ANKRD28: variants seen among roughly 807,000 people sequenced by gnomAD.
ANKRD28 encodes the protein ankyrin repeat domain 28.
ANKRD28 carries 44 observed loss-of-function variants against 126.5 expected under a neutral mutation model. The ratio of observed to expected loss-of-function variants is 0.35; its 90% CI spans 0.27 to 0.45. The LOEUF is 0.45. ANKRD28 is among the 20% of genes least tolerant of loss of function. The pLI is 1.00. For synonymous variants in ANKRD28, 442 were observed against 468.5 expected (o/e 0.94, Z 0.73); for missense variants, 1,110 against 1,316.6 (o/e 0.84, Z 2.43).
chr3:15,720,777 C>T (rs917402055), intron 8 of ANKRD28, 138 bp downstream of exon 8: 11 of 806,788 alleles, frequency 1.4e-5, no homozygotes, highest in Non-Finnish European at 1.9e-5. Flanking sequence ...AAGGCTTTCA[C>T]TCAGCATAAT....
rs999146996 is a variant in ANKRD28 at position 15,711,360 on chromosome 3, T to G, written c.1274-86A>C. On this transcript the variant is annotated intron_variant, in intron 11 of 27. Coordinates refer to ENST00000683139, the MANE Select transcript of ANKRD28 (RefSeq NM_001349278.2). ...TCATGAAACATCAAGAATCACATCC[T>G]CCCCTCCAATCCCAAACAAAACTAT... The G allele has an allele frequency of 9.9e-6, 11 of 1,113,642 alleles. 1 individual carries two copies. The highest frequency in any genetic ancestry group is 7.8e-5 in the African/African-American group (5 of 63,826). 69.0% of individuals were successfully genotyped at this position (1,113,642 alleles called of 1,614,324 possible). A position where few individuals can be genotyped will look rare whatever the true frequency, so the allele number is the denominator to read the frequency against.
chr3:15,779,641 T>C (rs980842021), intron 2 of ANKRD28, among the ~76,000 whole-genome samples: 23 of 152,332 alleles, frequency 1.5e-4, no homozygotes, highest in Middle Eastern at 6.8e-3. Context: ...GTAACGGAGT[T>C]GATTTAACTA....
At chr3:15,768,948 A>G (rs2058873898) in intron 2 of ANKRD28, among the ~76,000 whole-genome samples, 1 of 152,222 alleles carries the variant, frequency 6.6e-6, no homozygotes, top group East Asian at 1.9e-4. Flanking sequence ...GAGCTAACAC[A>G]GAACCACTAA....
At chr3:15,762,252 A>C (rs772144473) in intron 3 of ANKRD28, among the ~76,000 whole-genome samples, 10 of 147,656 alleles carry the variant, frequency 6.8e-5, no homozygotes, top group Non-Finnish European at 1.2e-4. Context: ...TTCCTTCCTC[A>C]TTTATGTGAA....
chr3:15,750,201 T>C (rs1306790831), intron 4 of ANKRD28, among the ~76,000 whole-genome samples: 1 of 152,222 alleles, frequency 6.6e-6, no homozygotes, highest in Non-Finnish European at 1.5e-5. Context: ...TAAAAATCCA[T>C]TATTTTAATA....
At chr3:15,783,085 G>A (rs1559523910) in intron 2 of ANKRD28, among the ~76,000 whole-genome samples, 1 of 151,668 alleles carries the variant, frequency 6.6e-6, no homozygotes, top group Admixed American at 6.6e-5. Context: ...ATTGATAAAT[G>A]TGGATGTCAT....
rs1380532379 is a variant in ANKRD28, at chr3:15,838,161, A to G, written c.27+21216T>C. On this transcript the variant is annotated intron_variant, in intron 1 of 27. Coordinates refer to the ANKRD28 transcript ENST00000399451. This position sits in a 1 kb window ranked among gnomAD's most constrained non-coding sequence, Gnocchi z 4.0. The stretch of plus-strand genomic sequence containing the variant: ...CACAAAGAAAAGCCTTGGCCCACAT[A>G]GTTTCTTTCACTGGTGAATTTTACC... Among the ~76,000 whole-genome samples, 2 of 152,180 alleles carry G rather than the reference A, an allele frequency of 1.3e-5. No homozygotes were observed. The highest frequency in any genetic ancestry group is 2.9e-5 in the Non-Finnish European group (2 of 68,026).
intron 14 of ANKRD28, among the ~76,000 whole-genome samples, chr3:15,705,414 G>C (rs1487293461): frequency 6.6e-6 from 1 of 152,104 alleles, no homozygotes; most frequent in Admixed American, 6.5e-5. Context: ...AGGAATGTGG[G>C]AGACAATCTC....
intron 3 of ANKRD28, among the ~76,000 whole-genome samples, chr3:15,761,459 T>C (rs1208066160): frequency 6.6e-6 from 1 of 152,194 alleles, no homozygotes; most frequent in African/African-American, 2.4e-5. Context: ...ATTAAAAGGC[T>C]GTTTTGATGG....
chr3:15,769,744 T>C (rs2058909342), intron 2 of ANKRD28, among the ~76,000 whole-genome samples: 1 of 152,192 alleles, frequency 6.6e-6, no homozygotes, highest in Non-Finnish European at 1.5e-5. Flanking sequence ...GGGTAAGCTG[T>C]GTTTGTTACC....
intron 8 of ANKRD28, among the ~76,000 whole-genome samples, chr3:15,719,474 T>C (rs1466715630): frequency 6.6e-6 from 1 of 152,172 alleles, no homozygotes; most frequent in Non-Finnish European, 1.5e-5. Flanking sequence ...AAAAATCTAA[T>C]AAAATGATTA....
At chr3:15,683,431 C>T (rs913539526) in intron 21 of ANKRD28, among the ~76,000 whole-genome samples, 1 of 152,162 alleles carries the variant, frequency 6.6e-6, no homozygotes, top group Non-Finnish European at 1.5e-5. Flanking sequence ...TCACTACACT[C>T]ATTTCTACTT....
upstream of ANKRD28, among the ~76,000 whole-genome samples, chr3:15,799,927 C>A (rs1353258329): frequency 1.3e-5 from 2 of 151,956 alleles, no homozygotes; most frequent in Admixed American, 1.3e-4. Flanking sequence ...GATTTATAAA[C>A]AAGAATAGTG....
chr3:15,729,375 T>C (rs1048839653), intron 6 of ANKRD28, among the ~76,000 whole-genome samples: 5 of 152,196 alleles, frequency 3.3e-5, no homozygotes, highest in Admixed American at 1.3e-4. Context: ...TGAAGAAACA[T>C]GTCAGATCCA....
At chr3:15,772,750 G>A (rs887323045) in intron 2 of ANKRD28, among the ~76,000 whole-genome samples, 8 of 152,060 alleles carry the variant, frequency 5.3e-5, no homozygotes, top group Admixed American at 2.6e-4. Context: ...GCAGTGGCGC[G>A]ATCTCGGCTC....
At chr3:15,688,289 T>G (rs1274026762) in intron 18 of ANKRD28, among the ~76,000 whole-genome samples, 1 of 152,200 alleles carries the variant, frequency 6.6e-6, no homozygotes, top group African/African-American at 2.4e-5. Context: ...TGTACAAAAT[T>G]GATTTTTATT....
At chr3:15,766,165 A>G in intron 3 of ANKRD28, 69 bp downstream of exon 3, 1 of 1,235,834 alleles carries the variant, frequency 8.1e-7, no homozygotes, top group South Asian at 1.4e-5. Context: ...ATAGTCAATT[A>G]TGATTGAGAA....
intron 1 of ANKRD28, among the ~76,000 whole-genome samples, chr3:15,856,741 C>T (rs1378895580): frequency 2.0e-5 from 3 of 152,184 alleles, no homozygotes. Flanking sequence ...AATTGCTTTA[C>T]TTACTGATTT....
chr3:15,796,559 A>G lies in ANKRD28; in HGVS notation c.-38T>C, dbSNP rs1433132049. 2.4e-6 allele frequency: 3 copies of G among 1,260,118 alleles called. No homozygotes were observed. The highest frequency in any genetic ancestry group is 3.1e-6 in the Non-Finnish European group (3 of 970,782). The allele number at this position is 1,260,118 out of a possible 1,614,324, so 78.1% of individuals were successfully genotyped here. A position where few individuals can be genotyped will look rare whatever the true frequency, so the allele number is the denominator to read the frequency against. ...AACACTAAATTCCAAGCTATGTGAT[A>G]AAAGTCACAGTTGGAAGAGCACAAG... On this transcript the variant is annotated 5_prime_UTR_variant, in exon 1 of 28. Coordinates refer to ENST00000683139, the MANE Select transcript of ANKRD28 (RefSeq NM_001349278.2).
Sources: gnomAD v4.1 joint callset for allele counts (sites outside exome capture counted in the v4.1 genomes callset) on GRCh38, gnomAD v4.1.1 for gene constraint, Gnocchi (gnomAD v3.1) non-coding constraint, MANE v1.5 for transcripts, NCBI Gene and HGNC (gene_info 2026-07-23, HGNC 2026-07-21) for gene names.